The following TSPEAR variants were observed in gnomAD, a reference collection of about 807,000 sequenced individuals.
TSPEAR encodes thrombospondin type laminin G domain and EAR repeats, also known as thrombospondin-type laminin G domain and EAR repeat-containing protein.
Under a neutral mutation model 71.6 loss-of-function variants are expected in TSPEAR, and 69 were observed. The observed-to-expected ratio is 0.96, with a 90% CI of 0.79 to 1.18. The LOEUF (loss-of-function observed/expected upper bound fraction) is 1.18, where lower values mean the gene tolerates loss of function less well. Ranked by LOEUF, TSPEAR falls within the 50% of genes most tolerant of loss-of-function variation. The pLI is 0.00. For synonymous variants in TSPEAR, 402 were observed against 387.2 expected, an observed-to-expected ratio of 1.04 and a Z score of -0.45; for missense variants, 971 against 894.9, an observed-to-expected ratio of 1.09 and a Z score of -1.09.
chr21:44,594,435 G>A (rs1054914442), intron 1 of TSPEAR, among the ~76,000 whole-genome samples: 2 of 152,196 alleles, frequency 1.3e-5, no homozygotes, highest in African/African-American at 4.8e-5. Context: ...TGTTGAAAGT[G>A]TGCTGGGTGT....
At chr21:44,503,685 G>A (rs1555911468) in intron 11 of TSPEAR, among the ~76,000 whole-genome samples, 10 of 130,776 alleles carry the variant, frequency 7.6e-5, no homozygotes, top group African/African-American at 2.8e-4. Context: ...GGGAAGCAAG[G>A]CTCTGGGAGG....
chr21:44,656,758 A>G (rs951542857), intron 1 of TSPEAR, among the ~76,000 whole-genome samples: 1 of 152,056 alleles, frequency 6.6e-6, no homozygotes, highest in African/African-American at 2.4e-5. Flanking sequence ...AAACTTATTT[A>G]TGGTTCAGTA....
intron 1 of TSPEAR, chr21:44,627,057 G>C: frequency 6.7e-7 from 1 of 1,490,480 alleles, no homozygotes; most frequent in Non-Finnish European, 9.1e-7. Context: ...AACAAGGCCA[G>C]GAGGGGTATA....
intron 1 of TSPEAR, among the ~76,000 whole-genome samples, chr21:44,706,503 C>T (rs1279296190): frequency 1.3e-5 from 2 of 152,198 alleles, no homozygotes; most frequent in Admixed American, 6.5e-5. Context: ...GCACACACCG[C>T]TGTCCCCAGC....
At chr21:44,542,488 C>G (rs62220861) in intron 2 of TSPEAR, among the ~76,000 whole-genome samples, 21,455 of 152,018 alleles carry the variant, frequency 0.14, 1,710 homozygotes, top group South Asian at 0.24. Context: ...TGGCTCACAC[C>G]TGTAATACCA....
chr21:44,570,712 G>A (rs1187284089), intron 1 of TSPEAR, among the ~76,000 whole-genome samples: 10 of 152,152 alleles, frequency 6.6e-5, no homozygotes, highest in Admixed American at 1.3e-4. Context: ...AGGAGTCCAC[G>A]CAATTGAAAA....
intron 1 of TSPEAR, among the ~76,000 whole-genome samples, chr21:44,660,140 C>T (rs1304616209): frequency 6.6e-6 from 1 of 152,102 alleles, no homozygotes; most frequent in African/African-American, 2.4e-5. Context: ...AACATCAAAT[C>T]CTCATTTATG....
chr21:44,585,283 T>G (rs2146110112), intron 1 of TSPEAR, among the ~76,000 whole-genome samples: 1 of 152,302 alleles, frequency 6.6e-6, no homozygotes. Flanking sequence ...TGTCTCAGAT[T>G]TGCATAACTT....
At chr21:44,534,891 G>A (rs782187153) in intron 2 of TSPEAR, among the ~76,000 whole-genome samples, 2 of 152,234 alleles carry the variant, frequency 1.3e-5, no homozygotes, top group South Asian at 4.1e-4. Flanking sequence ...ACGAACGGAT[G>A]GATGGGTAAA....
chr21:44,660,336 A>G (rs1460063623), intron 1 of TSPEAR, among the ~76,000 whole-genome samples: 5 of 152,236 alleles, frequency 3.3e-5, no homozygotes, highest in African/African-American at 1.2e-4. Context: ...GTCACATTAA[A>G]TCTGTGACTG....
At chr21:44,692,250 T>C (rs1555949808) in intron 1 of TSPEAR, among the ~76,000 whole-genome samples, 1 of 152,218 alleles carries the variant, frequency 6.6e-6, no homozygotes, top group East Asian at 1.9e-4. Context: ...GCTTGCATTA[T>C]ACTTGACAGT....
At chr21:44,591,411 G>A (rs782625540) in intron 1 of TSPEAR, 11 of 1,611,284 alleles carry the variant, frequency 6.8e-6, no homozygotes, top group Middle Eastern at 1.6e-4. Context: ...TCTGGCCAGA[G>A]CAGAGGCTGT....
intron 1 of TSPEAR, among the ~76,000 whole-genome samples, chr21:44,694,476 C>T (rs775163535): frequency 6.6e-6 from 1 of 152,044 alleles, no homozygotes; most frequent in Non-Finnish European, 1.5e-5. Context: ...AGAAACAGTC[C>T]TAGAGGTGAA....
chr21:44,538,366 C>T lies in TSPEAR; in HGVS notation c.304-4443G>A, dbSNP rs587772728. 3.5e-3 allele frequency among the ~76,000 whole-genome samples: 539 copies of T among 151,934 alleles called. 4 individuals carry two copies. Among genetic ancestry groups the T allele is most frequent in the African/African-American group, 0.012 (514 of 41,406 alleles). On this transcript the variant is annotated intron_variant, in intron 2 of 11. Coordinates refer to ENST00000323084, the MANE Select transcript of TSPEAR (RefSeq NM_144991.3). ...AGTGTCGCTGACTGTGTGCCCGCAC[C>T]GGCATCATCTGTGGGAACCCAGGCT... is the stretch of plus-strand genomic sequence containing the variant.
Position 44,506,172 on chromosome 21 carries a change from T to G in TSPEAR, c.1755-1291A>C, listed in dbSNP as rs961841504. Among the ~76,000 whole-genome samples the G allele has an allele frequency of 2.2e-4, 33 of 152,220 alleles. No individual in the cohort carries two copies. The highest frequency in any genetic ancestry group is 3.5e-4 in the Non-Finnish European group (24 of 68,038). ...CAAACAAATTTGCTGTGTCCTGTCT[T>G]AGGAGTCTCACCTGAATTTACCAAG... On this transcript the variant is annotated intron_variant, in intron 10 of 11. Coordinates refer to ENST00000323084, the MANE Select transcript of TSPEAR (RefSeq NM_144991.3). The surrounding 1 kb of genome is among the most constrained non-coding windows in gnomAD (Gnocchi z 4.2).
At chr21:44,511,370 A>ACACACAGG (rs377561823) in intron 9 of TSPEAR, among the ~76,000 whole-genome samples, 3,195 of 152,264 alleles carry the variant, frequency 0.021, 104 homozygotes, top group African/African-American at 0.07. Flanking sequence ...GTACACACAC[A>ACACACAGG]CATATATGCT....
intron 2 of TSPEAR, among the ~76,000 whole-genome samples, chr21:44,567,380 AC>A (rs1369668743): frequency 6.6e-6 from 1 of 152,200 alleles, no homozygotes; most frequent in Non-Finnish European, 1.5e-5. Flanking sequence ...TACTGTCTTC[AC>A]CTTCCAAACT....
intron 1 of TSPEAR, chr21:44,646,316 G>A: frequency 8.3e-7 from 1 of 1,208,422 alleles, no homozygotes; most frequent in East Asian, 2.5e-5. Flanking sequence ...AGGAAGAAAA[G>A]CTTGTGGAGC....
At chr21:44,513,525 A>G (rs587664898) in intron 9 of TSPEAR, among the ~76,000 whole-genome samples, 55 of 152,230 alleles carry the variant, frequency 3.6e-4, no homozygotes, top group Admixed American at 2.4e-3. Context: ...CCTCCCTCCA[A>G]TGGAATTCCC....
Sources: allele counts gnomAD v4.1 joint callset (sites outside exome capture counted in the v4.1 genomes callset), GRCh38; gene constraint gnomAD v4.1.1; non-coding constraint Gnocchi (gnomAD v3.1); transcripts MANE v1.5; gene names NCBI Gene and HGNC (gene_info 2026-07-23, HGNC 2026-07-21).